SPTLC1: variants seen among roughly 807,000 people sequenced by gnomAD.
SPTLC1 encodes the protein serine palmitoyltransferase 1.
A neutral mutation model predicts 68.9 loss-of-function variants in SPTLC1; 55 were observed. The observed-to-expected ratio is 0.80, with a 90% CI of 0.64 to 1.00. The LOEUF (loss-of-function observed/expected upper bound fraction) is 1.00, where lower values mean the gene tolerates loss of function less well. Ranked by LOEUF, SPTLC1 falls within the 50% of genes least tolerant of loss-of-function variation. The pLI is 0.00. For synonymous variants in SPTLC1, 197 were observed against 201.6 expected (o/e 0.98, Z 0.19); for missense variants, 449 against 573.1 (o/e 0.78, Z 2.21).
chr9:92,067,934 TG>T, intron 6 of SPTLC1, 31 bp downstream of exon 6: 1 of 1,607,208 alleles, frequency 6.2e-7, no homozygotes, highest in Non-Finnish European at 8.5e-7. Context: ...TCAAAGGAAC[TG>T]CTATTAGAAA....
At chr9:92,073,941 C>T (rs10992222) in intron 5 of SPTLC1, among the ~76,000 whole-genome samples, 7,627 of 152,298 alleles carry the variant, frequency 0.05, 513 homozygotes, top group East Asian at 0.27. Context: ...GCCCACGGCC[C>T]GGGATTCCTT....
chr9:92,057,995 C>CAA (rs1340913823), intron 7 of SPTLC1, among the ~76,000 whole-genome samples: 1 of 152,136 alleles, frequency 6.6e-6, no homozygotes, highest in Non-Finnish European at 1.5e-5. Flanking sequence ...CAATACTAGG[C>CAA]AAAACAAATG....
At chr9:92,043,848 G>GC (rs1388472470) in intron 12 of SPTLC1, among the ~76,000 whole-genome samples, 4 of 152,156 alleles carry the variant, frequency 2.6e-5, no homozygotes, top group Admixed American at 1.3e-4. Flanking sequence ...TCAAAACCAT[G>GC]CCAGGGCTTC....
At chr9:92,083,129 T>G (rs1409618760) in intron 3 of SPTLC1, among the ~76,000 whole-genome samples, 1 of 151,650 alleles carries the variant, frequency 6.6e-6, no homozygotes, top group Non-Finnish European at 1.5e-5. Flanking sequence ...CATTGTAGAT[T>G]CTGGATATTA....
Position 92,101,502 on chromosome 9 carries a change from C to CAGTG in SPTLC1, c.260+7234_260+7237dup, listed in dbSNP as rs548934181. On this transcript the variant is annotated intron_variant, in intron 3 of 14. Coordinates refer to ENST00000262554, the MANE Select transcript of SPTLC1 (RefSeq NM_006415.4). ...GCGTGAACCTGGGAGGCGGAGCTTG[C>CAGTG]AGTGAGCCGAGATCGTGCCACTGCA... 4.1e-3 allele frequency among the ~76,000 whole-genome samples: 540 copies of CAGTG among 131,522 alleles called. 2 individuals carry two copies. The highest frequency in any genetic ancestry group is 6.6e-3 in the Non-Finnish European group (432 of 64,992). 86.3% of individuals were successfully genotyped at this position (131,522 alleles called of 152,430 possible).
intron 6 of SPTLC1, among the ~76,000 whole-genome samples, chr9:92,065,258 C>T (rs1834240214): frequency 6.6e-6 from 1 of 152,154 alleles, no homozygotes. Context: ...CTGTGCTGAG[C>T]CCCACTATTG....
At chr9:92,092,892 T>G (rs1374920838) in intron 3 of SPTLC1, among the ~76,000 whole-genome samples, 1 of 152,210 alleles carries the variant, frequency 6.6e-6, no homozygotes, top group Non-Finnish European at 1.5e-5. Flanking sequence ...TATATGAAAC[T>G]CTTTACTGCT....
At chr9:92,104,379 G>A in intron 3 of SPTLC1, 2 of 1,402,582 alleles carry the variant, frequency 1.4e-6, no homozygotes, top group Non-Finnish European at 1.9e-6. Flanking sequence ...TCAACCGTCA[G>A]CGACATCTTG....
chr9:92,045,836 G>A (rs1833494526), intron 12 of SPTLC1, among the ~76,000 whole-genome samples, 163 bp downstream of exon 12: 1 of 152,120 alleles, frequency 6.6e-6, no homozygotes, highest in Non-Finnish European at 1.5e-5. Flanking sequence ...TAAAACAGAT[G>A]ATCTGGTTTT....
At chr9:92,034,457 G>A (rs765594965) in intron 14 of SPTLC1, among the ~76,000 whole-genome samples, 1 of 147,846 alleles carries the variant, frequency 6.8e-6, no homozygotes, top group African/African-American at 2.5e-5. Context: ...CCACACTGCC[G>A]ATCTTCCCTG....
chr9:92,042,312 T>C (rs1004251593), intron 12 of SPTLC1, among the ~76,000 whole-genome samples: 2 of 152,062 alleles, frequency 1.3e-5, no homozygotes, highest in African/African-American at 4.8e-5. Context: ...GCAAAAGCAT[T>C]AGGAAGGAAA....
At chr9:92,072,864 A>C (rs545120840) in intron 5 of SPTLC1, among the ~76,000 whole-genome samples, 174 of 152,050 alleles carry the variant, frequency 1.1e-3, no homozygotes, top group Non-Finnish European at 1.6e-3. Flanking sequence ...GGTCCATCCC[A>C]AATTTTCCTT....
In SPTLC1 at chr9:92,032,510, T is replaced by C. The variant is rs767613127; in HGVS notation, c.1377A>G (p.Arg459=). The change falls in exon 15 of 15, where the codon AGA becomes AGG. Residue 459 remains arginine, a synonymous_variant. Transcript: ENST00000262554. ...CTACCTCCTTGATGGTGGACGCAGC[T>C]CTCTCCAGTTCTTCCTCTGTTTGTT... is the stretch of plus-strand genomic sequence containing the variant. ...TVEQTEEELE[R]AASTIKEVAQ... is the part of the protein sequence containing the mutation. 6.2e-7 allele frequency: 1 copy of C among 1,614,158 alleles called. No individual in the cohort carries two copies. The highest frequency in any genetic ancestry group is 8.5e-7 in the Non-Finnish European group (1 of 1,180,026).
rs762293637 is a variant in SPTLC1, at chr9:92,059,320, A to G, written c.561-12T>C. On this transcript the variant is annotated splice_polypyrimidine_tract_variant and intron_variant, in intron 6 of 14. Transcript: ENST00000262554. ...AGGCAGCTCTATCTCTGCAAGGAAA[A>G]GAGATCCACCAAATTGGGTTTAAAG... is the stretch of plus-strand genomic sequence containing the variant. 31 of 1,612,904 alleles carry G rather than the reference A, an allele frequency of 1.9e-5. No homozygotes were observed. Among genetic ancestry groups the G allele is most frequent in the Non-Finnish European group, 2.5e-5 (30 of 1,179,962 alleles).
intron 2 of SPTLC1, chr9:92,111,795 A>C (rs1836257496): frequency 6.6e-6 from 1 of 152,316 alleles, no homozygotes; most frequent in Admixed American, 6.5e-5. Flanking sequence ...CGGCAATATC[A>C]AAATTGTCTG....
chr9:92,055,135 A>G (rs1833840973), intron 8 of SPTLC1: 1 of 701,610 alleles, frequency 1.4e-6, no homozygotes, highest in Non-Finnish European at 1.8e-6. Flanking sequence ...CTAAGGTGGA[A>G]GGATCACTTG....
In SPTLC1 at chr9:92,097,949, G is replaced by A. The variant is rs538023369; in HGVS notation, c.260+10791C>T. The stretch of plus-strand genomic sequence containing the variant: ...AAAGGAAAAAAATCTAAGTTAATTC[G>A]CTTACTCTTGTGTCAACTCAGTATT... On this transcript the variant is annotated intron_variant, in intron 3 of 14. Transcript: ENST00000262554. Among the ~76,000 whole-genome samples the A allele has an allele frequency of 1.2e-4, 18 of 152,144 alleles. No homozygotes were observed. The East Asian group carries it at 3.5e-3, about 29-fold the overall frequency.
At chr9:92,081,099 T>G (rs1834869647) in intron 3 of SPTLC1, 136 bp from the exon 4 acceptor site, 1 of 690,348 alleles carries the variant, frequency 1.4e-6, no homozygotes, top group Admixed American at 2.1e-5. Context: ...TTCTTGTTTT[T>G]AAGAAGTAAT....
chr9:92,048,005 G>A (rs1030857143), intron 9 of SPTLC1, among the ~76,000 whole-genome samples: 1 of 152,136 alleles, frequency 6.6e-6, no homozygotes, highest in Non-Finnish European at 1.5e-5. Flanking sequence ...AAAGCTGTTC[G>A]ATATTAAAAG....
Sources: allele counts gnomAD v4.1 joint callset (sites outside exome capture counted in the v4.1 genomes callset), GRCh38; gene constraint gnomAD v4.1.1; transcripts MANE v1.5; gene names NCBI Gene and HGNC (gene_info 2026-07-23, HGNC 2026-07-21).